The following TDRD12 variants were observed in gnomAD, a reference collection of about 807,000 sequenced individuals.
TDRD12 encodes putative ATP-dependent RNA helicase TDRD12.
Under a neutral mutation model 133.5 loss-of-function variants are expected in TDRD12, and 158 were observed. The ratio of observed to expected loss-of-function variants is 1.18; its 90% CI spans 1.04 to 1.35. The LOEUF (loss-of-function observed/expected upper bound fraction) is 1.35. TDRD12 is among the 40% of genes most tolerant of loss of function. The pLI, the probability that TDRD12 is intolerant of heterozygous loss-of-function variation, is 0.00. For missense variants in TDRD12, 1,443 were observed against 1,321.3 expected (o/e 1.09, Z -1.43); for synonymous variants, 460 against 477.9 (o/e 0.96, Z 0.49).
chr19:32,818,300 G>C (rs1039945683), intron 27 of TDRD12, 143 bp downstream of exon 27: 7 of 606,886 alleles, frequency 1.2e-5, no homozygotes, highest in South Asian at 9.8e-5. Flanking sequence ...GAGCAGGGAT[G>C]AAGGTACTCA....
chr19:32,828,446 C>G (rs1967658574), exon 10 of TDRD12: 1 of 152,142 alleles, frequency 6.6e-6, no homozygotes, highest in African/African-American at 2.4e-5. Context: ...CACCCAGAGG[C>G]TGGCTTTTGT....
rs149204628 is a variant in TDRD12, at chr19:32,783,921, G to A, written c.1122-6610G>A. ...TGTCATCTGCAAACAGGGGCAATTTGACTTCCTCTCTTCCTATTTGAATAC... is the reference window on the plus strand; with the variant it reads ...TGTCATCTGCAAACAGGGGCAATTTAACTTCCTCTCTTCCTATTTGAATAC... On this transcript the variant is annotated intron_variant, in intron 11 of 27. Transcript: ENST00000444215. 4.5e-3 allele frequency among the ~76,000 whole-genome samples: 690 copies of A among 152,312 alleles called. 2 individuals carry two copies. Among genetic ancestry groups the A allele is most frequent in the Non-Finnish European group, 7.2e-3 (487 of 68,038 alleles).
chr19:32,759,948 G>A (rs189549378), intron 8 of TDRD12, among the ~76,000 whole-genome samples: 8 of 152,250 alleles, frequency 5.3e-5, no homozygotes, highest in Admixed American at 1.3e-4. Flanking sequence ...CAGCCTCAGC[G>A]CATGTGGCCC....
chr19:32,797,288 G>A (rs957976925), intron 14 of TDRD12, among the ~76,000 whole-genome samples: 8 of 152,088 alleles, frequency 5.3e-5, no homozygotes, highest in Non-Finnish European at 7.4e-5. Context: ...GCCAGGGTTC[G>A]TCTTTTTTAA....
In TDRD12 at chr19:32,806,270, G is replaced by A. The variant is rs1411426514; in HGVS notation, c.2553-1279G>A. 6.0e-5 allele frequency among the ~76,000 whole-genome samples: 9 copies of A among 151,146 alleles called. 1 individual carries two copies. The South Asian group carries it at 1.0e-3, about 18-fold the overall frequency. ...TTTAAAGATAACTGTTGACATTAAC[G>A]TTTTTGAATTATGGTACATTAAATG... On this transcript the variant is annotated intron_variant, in intron 21 of 27. Transcript: ENST00000444215.
intron 16 of TDRD12, 38 bp from the exon 17 acceptor site, chr19:32,800,129 T>C (rs1971343520): frequency 4.1e-6 from 5 of 1,216,036 alleles, no homozygotes; most frequent in Non-Finnish European, 5.7e-6. Context: ...TCTTACTCTT[T>C]TGAAATAAAA....
Position 32,742,825 on chromosome 19 carries a change from C to CA in TDRD12, c.372dup (p.Phe125IlefsTer14). 1 of 1,551,726 alleles carries CA rather than the reference C, an allele frequency of 6.4e-7. No individual in the cohort carries two copies. Among genetic ancestry groups the CA allele is most frequent in the Non-Finnish European group, 8.7e-7 (1 of 1,147,000 alleles). Reference sequence around the variant, plus strand: ...TCGTTTATGCAGCTTCCCTATAGAGCAAAAAAATTCAGCCTGTACTGCACA... The same window carrying CA: ...TCGTTTATGCAGCTTCCCTATAGAGCAAAAAAAATTCAGCCTGTACTGCACA... On this transcript the variant is annotated frameshift_variant, in exon 4 of 28. Coordinates refer to ENST00000444215, the Ensembl canonical transcript of TDRD12. LOFTEE classifies it high-confidence loss of function.
At chr19:32,787,356 C>A (rs190064743) in intron 11 of TDRD12, among the ~76,000 whole-genome samples, 63 of 152,272 alleles carry the variant, frequency 4.1e-4, no homozygotes, top group Middle Eastern at 3.4e-3. Flanking sequence ...GAGATGTCTC[C>A]CAGTCAGGCT....
At position 32,782,124 on chromosome 19, in the gene TDRD12, C is replaced by G. The variant is rs1352006080; in HGVS notation, c.1121+4895C>G. On this transcript the variant is annotated intron_variant, in intron 11 of 27. Coordinates refer to ENST00000444215, the Ensembl canonical transcript of TDRD12. Reference sequence around the variant, plus strand: ...TATTGTTATCCCTCCCCTAGCCCCCCACCCCCCACAGGCCCCAGTGTGTGA... The same window carrying G: ...TATTGTTATCCCTCCCCTAGCCCCCGACCCCCCACAGGCCCCAGTGTGTGA... Among the ~76,000 whole-genome samples the G allele has an allele frequency of 4.6e-5, 7 of 151,190 alleles. No homozygotes were observed. The South Asian group carries it at 1.3e-3, about 27-fold the overall frequency.
chr19:32,731,692 C>G (rs529101068), intron 1 of TDRD12, 33 bp from the exon 2 acceptor site: 157 of 1,508,114 alleles, frequency 1.0e-4, no homozygotes, highest in Non-Finnish European at 1.4e-4. Flanking sequence ...TTAAATCATA[C>G]GCTGTTCTGT....
At chr19:32,724,099 A>C (rs1191450825) in intron 1 of TDRD12, among the ~76,000 whole-genome samples, 1 of 152,126 alleles carries the variant, frequency 6.6e-6, no homozygotes, top group African/African-American at 2.4e-5. Flanking sequence ...GGGCTCAAGC[A>C]ATCGTCCCAC....
chr19:32,734,391 A>T (rs1236097881), intron 2 of TDRD12, among the ~76,000 whole-genome samples: 9 of 147,690 alleles, frequency 6.1e-5, no homozygotes, highest in East Asian at 2.0e-4. Flanking sequence ...TTTTTTGAAG[A>T]TGGGGGTCTC....
chr19:32,826,119 A>G (rs1313011275), downstream of TDRD12: 7 of 1,535,882 alleles, frequency 4.6e-6, no homozygotes, highest in East Asian at 1.5e-4. Context: ...GGAAACACTG[A>G]AGGTGCCTTC....
intron 8 of TDRD12, among the ~76,000 whole-genome samples, chr19:32,765,026 TCAAA>T (rs1568465668): frequency 6.6e-6 from 1 of 151,968 alleles, no homozygotes; most frequent in Non-Finnish European, 1.5e-5. Context: ...TACAATGAAC[TCAAA>T]CAAATTTACA....
rs112824163 is a variant in TDRD12, at chr19:32,755,951, A to G, written c.583-41A>G. The stretch of plus-strand genomic sequence containing the variant: ...ATATTTCCTTTAAAATCGCTTGACT[A>G]TATTTGTCTTATTAGTCATGAAATG... On this transcript the variant is annotated intron_variant, in intron 6 of 27. Transcript: ENST00000444215. 1.1e-4 allele frequency: 152 copies of G among 1,351,406 alleles called. 1 individual carries two copies. The African/African-American group carries it at 1.6e-3, about 14-fold the overall frequency. 83.7% of individuals were successfully genotyped at this position (1,351,406 alleles called of 1,614,324 possible). A position where few individuals can be genotyped will look rare whatever the true frequency, so the allele number is the denominator to read the frequency against.
intron 1 of TDRD12, among the ~76,000 whole-genome samples, chr19:32,724,847 C>T (rs1968808398): frequency 6.6e-6 from 1 of 152,182 alleles, no homozygotes; most frequent in South Asian, 2.1e-4. Context: ...TAAAAGCATT[C>T]CCATTTCTCC....
exon 1 of TDRD12, chr19:32,719,884 C>T (rs1217438330): frequency 2.7e-5 from 18 of 663,516 alleles, no homozygotes; most frequent in African/African-American, 5.4e-5. Flanking sequence ...GAGCCGACCC[C>T]GGGGTCCGCG....
intron 12 of TDRD12, 134 bp from the exon 13 acceptor site, chr19:32,790,828 CTT>C: frequency 7.3e-7 from 1 of 1,362,456 alleles, no homozygotes; most frequent in African/African-American, 1.5e-5. Context: ...TTTTTTTTTT[CTT>C]TTTTTTTAAG....
intron 10 of TDRD12, 51 bp downstream of exon 10, chr19:32,773,583 A>T: frequency 6.7e-7 from 1 of 1,502,810 alleles, no homozygotes; most frequent in South Asian, 1.2e-5. Flanking sequence ...CTGTAGTCCC[A>T]GCTACTGGGG....
Sources: allele counts gnomAD v4.1 joint callset (sites outside exome capture counted in the v4.1 genomes callset), GRCh38; gene constraint gnomAD v4.1.1; transcripts MANE v1.5; gene names NCBI Gene and HGNC (gene_info 2026-07-23, HGNC 2026-07-21).